Variants in ARB2A observed in about 807,000 individuals in gnomAD.
The protein encoded by ARB2A is cotranscriptional regulator ARB2A.
chr5:94,066,003 A>C, the ARB2A span, among the ~76,000 whole-genome samples: 5 of 152,178 alleles, frequency 3.3e-5, no homozygotes, highest in Non-Finnish European at 7.3e-5. Flanking sequence ...AACAAATTTT[A>C]CCAAAAAAAA....
chr5:93,863,716 C>A, the ARB2A span: 1 of 152,024 alleles, frequency 6.6e-6, no homozygotes, highest in Non-Finnish European at 1.5e-5. Flanking sequence ...TAACAAGCAA[C>A]TATTTGTTGC....
the ARB2A span, among the ~76,000 whole-genome samples, chr5:93,967,689 A>G: frequency 6.6e-6 from 1 of 152,100 alleles, no homozygotes; most frequent in African/African-American, 2.4e-5. Flanking sequence ...ACTCTCCTGC[A>G]GGGGAAGGGG....
chr5:94,096,453 G>C, the ARB2A span, among the ~76,000 whole-genome samples: 2 of 152,106 alleles, frequency 1.3e-5, no homozygotes, highest in African/African-American at 2.4e-5. Context: ...GATTACATAT[G>C]ATGGCAATAA....
chr5:93,843,041 T>G, the ARB2A span, among the ~76,000 whole-genome samples: 6 of 152,204 alleles, frequency 3.9e-5, no homozygotes, highest in Non-Finnish European at 7.3e-5. Context: ...GGCAAAAGAC[T>G]GGAAGACTTC....
the ARB2A span, among the ~76,000 whole-genome samples, chr5:93,766,500 C>A: frequency 6.6e-6 from 1 of 152,160 alleles, no homozygotes; most frequent in Admixed American, 6.5e-5. Flanking sequence ...TACCATCTTA[C>A]ACCAGTTAGA....
At chr5:93,985,581 G>A in the ARB2A span, among the ~76,000 whole-genome samples, 18 of 152,204 alleles carry the variant, frequency 1.2e-4, no homozygotes, top group South Asian at 2.1e-3. Flanking sequence ...GCGCCGCCAC[G>A]CCTGACTGGA....
At chr5:93,701,231 T>C in the ARB2A span, among the ~76,000 whole-genome samples, 3 of 152,218 alleles carry the variant, frequency 2.0e-5, no homozygotes, top group East Asian at 5.8e-4. Context: ...TGTAGCAGTT[T>C]ATCTCTTTTA....
chr5:93,871,949 CT>C, the ARB2A span, among the ~76,000 whole-genome samples: 1,998 of 132,078 alleles, frequency 0.015, 41 homozygotes, highest in African/African-American at 0.048. Context: ...GGAATTTTTT[CT>C]TTTTTTTTTT....
At chr5:94,001,157 G>T in the ARB2A span, among the ~76,000 whole-genome samples, 1 of 151,976 alleles carries the variant, frequency 6.6e-6, no homozygotes, top group Admixed American at 6.6e-5. Context: ...ATACACTTTA[G>T]AATCAGTTTA....
At chr5:93,663,008 C>T in the ARB2A span, among the ~76,000 whole-genome samples, 7 of 152,124 alleles carry the variant, frequency 4.6e-5, no homozygotes, top group Non-Finnish European at 8.8e-5. Flanking sequence ...GGGACAAACT[C>T]CCTCCATCAA....
the ARB2A span, among the ~76,000 whole-genome samples, chr5:93,963,637 G>A: frequency 6.6e-6 from 1 of 151,910 alleles, no homozygotes. Flanking sequence ...TAAAACTCGT[G>A]CAACATTTCA....
the ARB2A span, among the ~76,000 whole-genome samples, chr5:93,970,253 T>C: frequency 6.6e-6 from 1 of 152,068 alleles, no homozygotes; most frequent in African/African-American, 2.4e-5. Flanking sequence ...CCCATCCCTA[T>C]AGATGACACG....
At chr5:94,098,962 G>A in the ARB2A span, among the ~76,000 whole-genome samples, 1 of 152,046 alleles carries the variant, frequency 6.6e-6, no homozygotes, top group Non-Finnish European at 1.5e-5. Flanking sequence ...CCATTAACGA[G>A]CTCCAAAACT....
At chr5:93,744,360 G>A in the ARB2A span, among the ~76,000 whole-genome samples, 3 of 149,272 alleles carry the variant, frequency 2.0e-5, no homozygotes, top group Non-Finnish European at 4.4e-5. Context: ...GCTTGAACCC[G>A]GGAGGCGGAG....
At chr5:94,064,153 TA>T in the ARB2A span, among the ~76,000 whole-genome samples, 4 of 151,740 alleles carry the variant, frequency 2.6e-5, no homozygotes, top group Admixed American at 1.3e-4. Context: ...TGGACAGATA[TA>T]AAAAAAGAAC....
the ARB2A span, among the ~76,000 whole-genome samples, chr5:93,882,982 A>G: frequency 6.6e-6 from 1 of 151,588 alleles, no homozygotes; most frequent in Non-Finnish European, 1.5e-5. Flanking sequence ...ATTTTAAAAA[A>G]TTGACAGCAG....
the ARB2A span, among the ~76,000 whole-genome samples, chr5:93,757,942 A>T: frequency 1.3e-5 from 2 of 152,220 alleles, no homozygotes; most frequent in Non-Finnish European, 2.9e-5. Context: ...CACTTAAAAA[A>T]TACAGAACCT....
chr5:94,051,714 G>C, the ARB2A span, among the ~76,000 whole-genome samples: 1 of 152,192 alleles, frequency 6.6e-6, no homozygotes, highest in African/African-American at 2.4e-5. Flanking sequence ...CTGCTTATGT[G>C]ATATTCTGCA....
chr5:94,016,029 A>G, the ARB2A span, among the ~76,000 whole-genome samples: 9 of 152,168 alleles, frequency 5.9e-5, no homozygotes, highest in Non-Finnish European at 1.3e-4. Context: ...CCAATTATAT[A>G]CTGTCTACAA....
Sources: allele counts gnomAD v4.1 joint callset (sites outside exome capture counted in the v4.1 genomes callset), GRCh38; gene constraint gnomAD v4.1.1; transcripts MANE v1.5; gene names NCBI Gene and HGNC (gene_info 2026-07-23, HGNC 2026-07-21).